The following DCAF7 variants were observed in gnomAD, a reference collection of about 807,000 sequenced individuals.
DCAF7 encodes the protein DDB1- and CUL4-associated factor 7.
Under a neutral mutation model 41.2 loss-of-function variants are expected in DCAF7, and 4 were observed. The ratio of observed to expected loss-of-function variants is 0.10; its 90% confidence interval spans 0.05 to 0.22. The LOEUF is 0.22. DCAF7 is among the 10% of genes least tolerant of loss of function. The pLI, the probability that DCAF7 is intolerant of heterozygous loss-of-function variation, is 1.00. For synonymous variants in DCAF7, 143 were observed against 164.2 expected (o/e 0.87, Z 0.99); for missense variants, 131 against 443.2 (o/e 0.30, Z 6.32).
At chr17:63,579,732 G>A (rs2033599687) in intron 3 of DCAF7, 93 bp from the exon 4 acceptor site, 1 of 1,091,696 alleles carries the variant, frequency 9.2e-7, no homozygotes, top group African/African-American at 1.6e-5. Flanking sequence ...ATGGTATGCT[G>A]CTCCCTGGGC....
chr17:63,585,781 G>A lies in DCAF7; in HGVS notation c.856+453G>A, dbSNP rs372283439. 3.9e-5 allele frequency among the ~76,000 whole-genome samples: 6 copies of A among 152,146 alleles called. No homozygotes were observed. In the East Asian group the frequency reaches 7.7e-4, roughly 20 times the overall value. ...CCCCACAGAACTTTGCCTGGTTGTG[G>A]TTTGTGACTTGTGGTTTTCATTTCA... On this transcript the variant is annotated intron_variant, in intron 6 of 6. Transcript: ENST00000614556.
At position 63,592,817 on chromosome 17, in the gene DCAF7, A is replaced by G. The variant is rs1490581844; in HGVS notation, c.*3645A>G. On this transcript the variant is annotated 3_prime_UTR_variant, in exon 7 of 7. Transcript: ENST00000614556. Reference sequence around the variant, plus strand: ...ACCTACAGGCGTTTGGGGTCCCATGATTGTTCCAGACCATGACTCTTCCTG... The same window carrying G: ...ACCTACAGGCGTTTGGGGTCCCATGGTTGTTCCAGACCATGACTCTTCCTG... 6.6e-6 allele frequency: 1 copy of G among 152,248 alleles called. No individual in the cohort carries two copies. The highest frequency in any genetic ancestry group is 1.5e-5 in the Non-Finnish European group (1 of 68,096). The allele number at this position is 152,248 out of a possible 1,614,324, so 9.4% of individuals were successfully genotyped here. A position where few individuals can be genotyped will look rare whatever the true frequency, so the allele number is the denominator to read the frequency against.
intron 1 of DCAF7, among the ~76,000 whole-genome samples, chr17:63,560,211 G>A (rs1374640860): frequency 2.6e-5 from 4 of 152,260 alleles, no homozygotes; most frequent in Middle Eastern, 6.8e-3. Flanking sequence ...TACTGTGTGT[G>A]TGTGTATACA....
At chr17:63,588,023 G>A (rs114083098) in intron 6 of DCAF7, among the ~76,000 whole-genome samples, 142 of 148,984 alleles carry the variant, frequency 9.5e-4, no homozygotes, top group Admixed American at 1.8e-3. Flanking sequence ...AGCACATTAC[G>A]AATCACTTAG....
Position 63,568,258 on chromosome 17 carries a change from C to T in DCAF7, c.139-10212C>T, listed in dbSNP as rs552395419. On this transcript the variant is annotated intron_variant, in intron 1 of 6. Transcript: ENST00000614556. ...TCAAGTGATCCACCCGCCTCAGCCT[C>T]CCAAAGTGCTGGGATTACAAGAGTG... 1.5e-4 allele frequency among the ~76,000 whole-genome samples: 23 copies of T among 152,230 alleles called. No homozygotes were observed. The South Asian group carries it at 1.7e-3, about 11-fold the overall frequency.
intron 1 of DCAF7, among the ~76,000 whole-genome samples, chr17:63,554,354 C>T (rs933036234): frequency 6.6e-6 from 1 of 152,194 alleles, no homozygotes; most frequent in African/African-American, 2.4e-5. Context: ...TGGGCTCCAC[C>T]CCTGAAGTTA....
intron 1 of DCAF7, among the ~76,000 whole-genome samples, chr17:63,562,678 TCCCTCCC>T (rs2033396032): frequency 9.6e-6 from 1 of 104,122 alleles, no homozygotes; most frequent in Non-Finnish European, 1.9e-5. Context: ...CCCAGTGCTA[TCCCTCCC>T]CCCTCCCCCC....
intron 1 of DCAF7, among the ~76,000 whole-genome samples, chr17:63,554,069 G>T (rs746638443): frequency 6.6e-5 from 10 of 152,120 alleles, no homozygotes; most frequent in Non-Finnish European, 1.0e-4. Context: ...GCCAGGTATG[G>T]TGGCATCTGC....
At chr17:63,579,278 A>T (rs1439994643) in intron 2 of DCAF7, 59 bp from the exon 3 acceptor site, 1 of 1,210,504 alleles carries the variant, frequency 8.3e-7, no homozygotes, top group Non-Finnish European at 1.2e-6. Context: ...GGGATTTTTT[A>T]AAAGACTTTT....
chr17:63,571,038 T>C (rs1440489383), intron 1 of DCAF7, among the ~76,000 whole-genome samples: 1 of 152,028 alleles, frequency 6.6e-6, no homozygotes, highest in Non-Finnish European at 1.5e-5. Flanking sequence ...ATACAAAAAT[T>C]AGCCAGGTGC....
rs1377727582 is a variant in DCAF7, at chr17:63,574,259, C to G, written c.139-4211C>G. On this transcript the variant is annotated intron_variant, in intron 1 of 6. Coordinates refer to ENST00000614556, the MANE Select transcript of DCAF7 (RefSeq NM_005828.5). ...AGATGCTTACTTTTTTCCTCAGGTG[C>G]CCCATTTGAATTATTGCTGTTTCCT... Among the ~76,000 whole-genome samples, 4 of 152,246 alleles carry G rather than the reference C, an allele frequency of 2.6e-5. No individual in the cohort carries two copies. In the East Asian group the frequency reaches 7.7e-4, roughly 29 times the overall value.
Position 63,593,808 on chromosome 17 carries a change from A to G in DCAF7, c.*4636A>G, listed in dbSNP as rs1302894887. 6.6e-6 allele frequency: 1 copy of G among 152,612 alleles called. No individual in the cohort carries two copies. The highest frequency in any genetic ancestry group is 1.5e-5 in the Non-Finnish European group (1 of 68,040). 9.5% of individuals were successfully genotyped at this position (152,612 alleles called of 1,614,324 possible). On this transcript the variant is annotated 3_prime_UTR_variant, in exon 7 of 7. Coordinates refer to ENST00000614556, the MANE Select transcript of DCAF7 (RefSeq NM_005828.5). Reference sequence around the variant, plus strand: ...TTGTAGCATGATTGTATAAACCTCTATGTAGAAAATGGAGATTTCTTGCTC... The same window carrying G: ...TTGTAGCATGATTGTATAAACCTCTGTGTAGAAAATGGAGATTTCTTGCTC...
At chr17:63,588,890 A>T in intron 6 of DCAF7, 110 bp from the exon 7 acceptor site, 1 of 1,180,066 alleles carries the variant, frequency 8.5e-7, no homozygotes, top group East Asian at 2.6e-5. Flanking sequence ...TTAAAATAGA[A>T]CCGCCATCAC....
At chr17:63,582,973 T>G (rs2033640086) in intron 4 of DCAF7, among the ~76,000 whole-genome samples, 1 of 152,198 alleles carries the variant, frequency 6.6e-6, no homozygotes. Context: ...TACAGGAACA[T>G]CTAGGCCTCC....
chr17:63,561,814 G>GA (rs2033383780), intron 1 of DCAF7, among the ~76,000 whole-genome samples: 1 of 151,788 alleles, frequency 6.6e-6, no homozygotes, highest in Non-Finnish European at 1.5e-5. Flanking sequence ...TGTGTATTTA[G>GA]AAAAAAAATT....
intron 1 of DCAF7, among the ~76,000 whole-genome samples, chr17:63,553,439 G>A (rs527822602): frequency 6.6e-6 from 1 of 152,202 alleles, no homozygotes; most frequent in Non-Finnish European, 1.5e-5. Flanking sequence ...GAAACCCTGC[G>A]AGAGAGAAGT....
Position 63,591,060 on chromosome 17 carries a change from G to A in DCAF7, c.*1888G>A, listed in dbSNP as rs1286439608. ...CCACTGGATTTGCACTGCATCGTTT[G>A]GAGATACAAAGCGAGCAGTTCTTGG... On this transcript the variant is annotated 3_prime_UTR_variant, in exon 7 of 7. Transcript: ENST00000614556. The A allele has an allele frequency of 6.6e-6, 1 of 152,220 alleles. No homozygotes were observed. Among genetic ancestry groups the A allele is most frequent in the African/African-American group, 2.4e-5 (1 of 41,438 alleles). 9.4% of individuals were successfully genotyped at this position (152,220 alleles called of 1,614,324 possible). A position where few individuals can be genotyped will look rare whatever the true frequency, so the allele number is the denominator to read the frequency against.
intron 1 of DCAF7, among the ~76,000 whole-genome samples, chr17:63,564,889 T>C (rs1301987070): frequency 2.0e-5 from 3 of 152,246 alleles, no homozygotes; most frequent in Non-Finnish European, 4.4e-5. Context: ...TCATCCTTCC[T>C]ATGGGCATAG....
intron 4 of DCAF7, 97 bp from the exon 5 acceptor site, chr17:63,583,405 A>C (rs984468587): frequency 3.0e-5 from 32 of 1,061,028 alleles, no homozygotes; most frequent in Non-Finnish European, 4.4e-5. Flanking sequence ...TTGTGTCATG[A>C]GCGAGGTTTA....
Sources: gnomAD v4.1 joint callset for allele counts (sites outside exome capture counted in the v4.1 genomes callset) on GRCh38, gnomAD v4.1.1 for gene constraint, MANE v1.5 for transcripts, NCBI Gene and HGNC (gene_info 2026-07-23, HGNC 2026-07-21) for gene names.